Variants in DMD observed in about 807,000 individuals in gnomAD.
DMD encodes mutant dystrophin.
In DMD, 63 loss-of-function variants were observed where a neutral mutation model predicts 330.1. The ratio of observed to expected loss-of-function variants is 0.19; its 90% CI spans 0.16 to 0.24. The LOEUF is 0.24. Among genes scored for constraint, DMD ranks in the 10% least tolerant of loss-of-function variants. The pLI is 1.00. For synonymous variants in DMD, 1,223 were observed against 959.8 expected, an observed-to-expected ratio of 1.27 and a Z score of -5.07; for missense variants, 3,344 against 2,684.1, an observed-to-expected ratio of 1.25 and a Z score of -5.43.
upstream of DMD, among the ~76,000 whole-genome samples, chrX:33,214,772 A>G (rs1402525372): frequency 2.7e-5 from 3 of 111,511 alleles, no homozygotes; most frequent in Non-Finnish European, 5.6e-5. Context: ...TCCTGCCTCA[A>G]TCTTCTGAGT....
At chrX:32,189,336 A>G (rs1391111037) in intron 44 of DMD, among the ~76,000 whole-genome samples, 1 of 107,249 alleles carries the variant, frequency 9.3e-6, no homozygotes, top group African/African-American at 3.4e-5. Flanking sequence ...TAACGTTGAC[A>G]ATGGTGCTTC....
chrX:32,856,828 C>CAA (rs1235585876), intron 2 of DMD, among the ~76,000 whole-genome samples: 2 of 111,843 alleles, frequency 1.8e-5, no homozygotes, highest in Non-Finnish European at 3.8e-5. Context: ...GTAATCCCAA[C>CAA]ACTTTGGGAG....
At chrX:31,527,990 C>T (rs950079357) in intron 55 of DMD, among the ~76,000 whole-genome samples, 4 of 110,584 alleles carry the variant, frequency 3.6e-5, no homozygotes, top group African/African-American at 6.6e-5. Context: ...TTTGTTTCTA[C>T]TACTTGCAAT....
chrX:32,111,378 T>A (rs2096588718), intron 44 of DMD, among the ~76,000 whole-genome samples: 1 of 112,027 alleles, frequency 8.9e-6, no homozygotes, highest in Non-Finnish European at 1.9e-5. Flanking sequence ...GAGTATAGCA[T>A]AACAAATTTA....
At chrX:33,010,491 T>C (rs939497024) in intron 2 of DMD, among the ~76,000 whole-genome samples, 1 of 109,987 alleles carries the variant, frequency 9.1e-6, no homozygotes, top group Non-Finnish European at 1.9e-5. Context: ...ACAAAGGAAA[T>C]GCTCATTGGA....
intron 22 of DMD, among the ~76,000 whole-genome samples, chrX:32,469,211 T>G (rs1237011193): frequency 9.1e-6 from 1 of 110,462 alleles, no homozygotes; most frequent in Non-Finnish European, 1.9e-5. Flanking sequence ...ATGGTGGGAT[T>G]CAAGGATAGT....
At chrX:32,135,749 T>C (rs781395147) in intron 44 of DMD, among the ~76,000 whole-genome samples, 50 of 112,523 alleles carry the variant, frequency 4.4e-4, no homozygotes, top group Admixed American at 9.4e-4. Context: ...AAAACAAATT[T>C]AAGTTGTTGA....
At chrX:31,692,180 A>T (rs1360068242) in intron 52 of DMD, among the ~76,000 whole-genome samples, 1 of 112,145 alleles carries the variant, frequency 8.9e-6, no homozygotes, top group Non-Finnish European at 1.9e-5. Flanking sequence ...GGTCAAAAGA[A>T]GAAATTCAAG....
Position 31,479,102 on chromosome X carries a change from G to A in DMD, c.8549C>T (p.Ala2850Val). ...AVQKQNDVHR[A>V]FKRELKTKEP... ...TTTAGTTTTCAATTCCCTCTTGAAG[G>A]CCTGTGAAATGAGATGAAAAGAAGT... Residue 2850 changes from alanine to valine, a missense_variant and splice_region_variant, in exon 58 of 79, where the codon GCC (alanine) becomes GTC (valine). Ala to Val is a moderately conservative substitution (Grantham distance 64). Transcript: ENST00000357033. The A allele has an allele frequency of 8.3e-7, 1 of 1,210,429 alleles. No individual in the cohort carries two copies. Among genetic ancestry groups the A allele is most frequent in the Non-Finnish European group, 1.1e-6 (1 of 894,579 alleles).
At chrX:31,350,628 T>A (rs201103354) in intron 60 of DMD, among the ~76,000 whole-genome samples, 786 of 52,494 alleles carry the variant, frequency 0.015, 3 homozygotes, top group Non-Finnish European at 0.018. Flanking sequence ...TGTGTGTGTG[T>A]GTGTGAGAGA....
In DMD at chrX:32,362,963, A is replaced by G. The variant is rs1279216230; in HGVS notation, c.5155-5T>C. ...ATTCAGTTCTGCCTTTAAACGCTAT[A>G]TTCCATGAGCAAGAGATAGGACTTG... On this transcript the variant is annotated splice_polypyrimidine_tract_variant and splice_region_variant and intron_variant, in intron 36 of 78. Transcript: ENST00000357033. The G allele has an allele frequency of 1.7e-6, 2 of 1,205,228 alleles. No individual in the cohort carries two copies. Among genetic ancestry groups the G allele is most frequent in the Non-Finnish European group, 1.1e-6 (1 of 891,302 alleles).
At chrX:31,808,171 T>A (rs753198232) in intron 50 of DMD, among the ~76,000 whole-genome samples, 1 of 111,632 alleles carries the variant, frequency 9.0e-6, no homozygotes, top group African/African-American at 3.2e-5. Flanking sequence ...GTATTATTTT[T>A]GAAAATGGCT....
intron 63 of DMD, among the ~76,000 whole-genome samples, chrX:31,256,297 A>G (rs1053156593): frequency 8.9e-6 from 1 of 112,006 alleles, no homozygotes; most frequent in Non-Finnish European, 1.9e-5. Context: ...TCAAACCATT[A>G]ATGTGATGTA....
At chrX:32,462,434 T>C (rs1162593394) in intron 25 of DMD, among the ~76,000 whole-genome samples, 1 of 112,004 alleles carries the variant, frequency 8.9e-6, no homozygotes, top group Non-Finnish European at 1.9e-5. Context: ...AAAGTATTCA[T>C]TGCTTTAGTT....
chrX:32,108,658 G>A (rs1326336404), intron 44 of DMD, among the ~76,000 whole-genome samples: 1 of 111,717 alleles, frequency 9.0e-6, no homozygotes, highest in East Asian at 2.8e-4. Flanking sequence ...TCTGCTATTG[G>A]TTTTATAATC....
chrX:31,444,927 G>A (rs2065175789), intron 59 of DMD, among the ~76,000 whole-genome samples: 1 of 111,492 alleles, frequency 9.0e-6, no homozygotes, highest in Admixed American at 9.6e-5. Flanking sequence ...CAGCATGTGA[G>A]GGTGCAGTGA....
chrX:32,705,875 G>T (rs965763336), intron 7 of DMD, among the ~76,000 whole-genome samples: 2 of 109,822 alleles, frequency 1.8e-5, no homozygotes, highest in Non-Finnish European at 3.8e-5. Flanking sequence ...CCCATTACTG[G>T]GTATATACCC....
At chrX:31,465,135 A>C (rs1435171818) in intron 59 of DMD, among the ~76,000 whole-genome samples, 1 of 112,128 alleles carries the variant, frequency 8.9e-6, no homozygotes, top group Non-Finnish European at 1.9e-5. Context: ...ATGGTAACTA[A>C]GTAATAAGCT....
intron 44 of DMD, among the ~76,000 whole-genome samples, chrX:31,987,451 T>C (rs892539216): frequency 8.9e-6 from 1 of 111,769 alleles, no homozygotes; most frequent in Non-Finnish European, 1.9e-5. Flanking sequence ...TTCTCGCTTT[T>C]CCCCTACTTC....
Sources: gnomAD v4.1 joint callset for allele counts (sites outside exome capture counted in the v4.1 genomes callset) on GRCh38, gnomAD v4.1.1 for gene constraint, MANE v1.5 for transcripts, NCBI Gene and HGNC (gene_info 2026-07-23, HGNC 2026-07-21) for gene names.